Variants in SSC5D observed in about 807,000 individuals in gnomAD.
SSC5D encodes scavenger receptor cysteine rich family member with 5 domains.
A neutral mutation model predicts 104.6 loss-of-function variants in SSC5D; 106 were observed. The observed-to-expected ratio is 1.01, with a 90% confidence interval of 0.87 to 1.19. SSC5D has a LOEUF of 1.19. SSC5D is among the 50% of genes most tolerant of loss of function. The pLI is 0.00. For synonymous variants in SSC5D, 860 were observed against 883.5 expected (o/e 0.97, Z 0.47); for missense variants, 1,993 against 2,153.8 (o/e 0.93, Z 1.48).
In SSC5D at chr19:55,503,482, T is replaced by C. The variant is rs1227540612; in HGVS notation, c.2785+2281T>C. The stretch of plus-strand genomic sequence containing the variant: ...GCAGTCTCCCGCGTGCTCTCTTCTC[T>C]CTCCCCCTCGTTTCTCTCATGGTCA... On this transcript the variant is annotated intron_variant, in intron 12 of 13. Coordinates refer to ENST00000389623, the MANE Select transcript of SSC5D (RefSeq NM_001144950.2). This position sits in a 1 kb window ranked among gnomAD's most constrained non-coding sequence, Gnocchi z 4.0. 6.6e-6 allele frequency among the ~76,000 whole-genome samples: 1 copy of C among 151,842 alleles called. No individual in the cohort carries two copies. Among genetic ancestry groups the C allele is most frequent in the African/African-American group, 2.4e-5 (1 of 41,294 alleles).
intron 12 of SSC5D, among the ~76,000 whole-genome samples, chr19:55,509,545 G>A (rs902047583): frequency 1.4e-5 from 2 of 144,296 alleles, no homozygotes; most frequent in African/African-American, 2.6e-5. Context: ...ATGAGCCAGA[G>A]TTATGTGTAT....
At chr19:55,501,252 C>A in intron 12 of SSC5D, 51 bp downstream of exon 12, 2 of 1,462,288 alleles carry the variant, frequency 1.4e-6, no homozygotes, top group Non-Finnish European at 1.8e-6. Flanking sequence ...AACCTCCATT[C>A]GCTTCCCTGC....
At position 55,497,900 on chromosome 19, in the gene SSC5D, G is replaced by C; in HGVS notation, c.1408G>C (p.Val470Leu). 1 of 1,541,788 alleles carries C rather than the reference G, an allele frequency of 6.5e-7. No homozygotes were observed. The highest frequency in any genetic ancestry group is 8.8e-7 in the Non-Finnish European group (1 of 1,139,184). The stretch of plus-strand genomic sequence containing the variant: ...CCCAGGGTCCCCCCAGCTGCGCCTG[G>C]TGGCTGGGCCCAGCAAGTGCTCAGG... ...PEAGSPQLRLVAGPSKCSGRL... is the reference protein window; with the variant it reads ...PEAGSPQLRLLAGPSKCSGRL... Residue 470 changes from valine to leucine, a missense_variant, in exon 9 of 14, where the codon GTG becomes CTG. By Grantham distance (32) the Val-to-Leu change is conservative (BLOSUM62 1). Transcript: ENST00000389623.
In SSC5D at chr19:55,490,282, C is replaced by A; in HGVS notation, c.476-16C>A. 1.3e-6 allele frequency: 1 copy of A among 784,792 alleles called. No individual in the cohort carries two copies. The highest frequency in any genetic ancestry group is 1.5e-5 in the South Asian group (1 of 66,850). The allele number at this position is 784,792 out of a possible 1,614,324, so 48.6% of individuals were successfully genotyped here. A position where few individuals can be genotyped will look rare whatever the true frequency, so the allele number is the denominator to read the frequency against. On this transcript the variant is annotated splice_polypyrimidine_tract_variant and intron_variant, in intron 4 of 13. Transcript: ENST00000389623. Reference sequence around the variant, plus strand: ...GAGGGGCTCAGCTCCTGACCCCTGGCTGTCTCCACTCCCAGCCCCCCGCCC... The same window carrying A: ...GAGGGGCTCAGCTCCTGACCCCTGGATGTCTCCACTCCCAGCCCCCCGCCC...
Position 55,491,318 on chromosome 19 carries a change from G to A in SSC5D, c.895+238G>A, listed in dbSNP as rs185507912. On this transcript the variant is annotated intron_variant, in intron 6 of 13. Coordinates refer to ENST00000389623, the MANE Select transcript of SSC5D (RefSeq NM_001144950.2). The stretch of plus-strand genomic sequence containing the variant: ...TTGGGCTAGTGCTCAGCCCTGTCCC[G>A]GGGCCTAGGCCAGTGACCGTTTGTT... 305 of 535,862 alleles carry A rather than the reference G, an allele frequency of 5.7e-4. 1 individual carries two copies. The highest frequency in any genetic ancestry group is 2.0e-3 in the Middle Eastern group (4 of 2,038). 33.2% of individuals were successfully genotyped at this position (535,862 alleles called of 1,614,324 possible). A position where few individuals can be genotyped will look rare whatever the true frequency, so the allele number is the denominator to read the frequency against.
intron 13 of SSC5D, 138 bp downstream of exon 13, chr19:55,513,310 T>C: frequency 1.1e-6 from 1 of 936,222 alleles, no homozygotes; most frequent in Non-Finnish European, 1.5e-6. Context: ...GGTTATCGGC[T>C]GAGCATGGTG....
intron 12 of SSC5D, among the ~76,000 whole-genome samples, chr19:55,507,684 A>G (rs992071728): frequency 3.3e-4 from 50 of 151,164 alleles, no homozygotes; most frequent in Admixed American, 2.9e-3. Context: ...AAAAAAAAAA[A>G]AAAAGAAAAA....
Position 55,490,298 on chromosome 19 carries a change from C to A in SSC5D, c.476C>A (p.Ala159Asp), listed in dbSNP as rs114976626. The change falls in exon 5 of 14, where the codon GCC (alanine) becomes GAC (aspartate). Residue 159 changes from alanine (A) to aspartate (D), a missense_variant and splice_region_variant. Coordinates refer to ENST00000389623, the MANE Select transcript of SSC5D (RefSeq NM_001144950.2). ...GACCCCTGGCTGTCTCCACTCCCAGCCCCCCGCCCAGCTGGGAACCCCCAG... is the reference window on the plus strand; with the variant it reads ...GACCCCTGGCTGTCTCCACTCCCAGACCCCCGCCCAGCTGGGAACCCCCAG... The part of the protein sequence containing the change: ...PSTEEPLVTH[A>D]PRPAGNPQNA... 8 of 980,446 alleles carry A rather than the reference C, an allele frequency of 8.2e-6. No homozygotes were observed. The highest frequency in any genetic ancestry group is 1.3e-5 in the Non-Finnish European group (8 of 635,580). The allele number at this position is 980,446 out of a possible 1,614,324, so 60.7% of individuals were successfully genotyped here.
At chr19:55,499,305 T>C (rs922167379) in intron 9 of SSC5D, among the ~76,000 whole-genome samples, 1 of 152,158 alleles carries the variant, frequency 6.6e-6, no homozygotes, top group Non-Finnish European at 1.5e-5. Flanking sequence ...TGGAGAGTGG[T>C]GTCTCAAAGG....
At chr19:55,512,156 C>T (rs1263412473) in intron 12 of SSC5D, among the ~76,000 whole-genome samples, 8 of 148,400 alleles carry the variant, frequency 5.4e-5, no homozygotes, top group African/African-American at 1.5e-4. Flanking sequence ...GCCGATATTG[C>T]GCCACTGTAC....
rs182856272 is a variant in SSC5D at position 55,503,646 on chromosome 19, G to A, written c.2785+2445G>A. Among the ~76,000 whole-genome samples, 1 of 152,164 alleles carries A rather than the reference G, an allele frequency of 6.6e-6. No individual in the cohort carries two copies. Among genetic ancestry groups the A allele is most frequent in the East Asian group, 1.9e-4 (1 of 5,160 alleles). On this transcript the variant is annotated intron_variant, in intron 12 of 13. Transcript: ENST00000389623. This position sits in a 1 kb window ranked among gnomAD's most constrained non-coding sequence, Gnocchi z 4.0. Reference sequence around the variant, plus strand: ...TTTCTGTCCTCCCTCTGTGCCCGTCGCAGTCGCTGTTTCTCCGTCTTCTCC... The same window carrying A: ...TTTCTGTCCTCCCTCTGTGCCCGTCACAGTCGCTGTTTCTCCGTCTTCTCC...
chr19:55,490,008 G>T lies in SSC5D; in HGVS notation c.475+13G>T. The T allele has an allele frequency of 6.5e-7, 1 of 1,537,306 alleles. No individual in the cohort carries two copies. The highest frequency in any genetic ancestry group is 2.0e-5 in the Admixed American group (1 of 50,612). On this transcript the variant is annotated intron_variant, in intron 4 of 13. Transcript: ENST00000389623. ...CTGGTGACACATGGTGAGCCCAGGG[G>T]ACTGCCCTGCCAACCCCCACCCAGC...
chr19:55,493,991 G>GGGGGA (rs1277559229), intron 7 of SSC5D, 79 bp downstream of exon 7: 2 of 300,912 alleles, frequency 6.6e-6, no homozygotes, highest in Admixed American at 4.0e-5. Flanking sequence ...CGGGGGCGGG[G>GGGGGA]GGGTCCCTAC....
chr19:55,498,019 C>G lies in SSC5D; in HGVS notation c.1527C>G (p.Gly509=), dbSNP rs1435671351. Residue 509 remains glycine (G), a synonymous_variant, in exon 9 of 14, where the codon GGC becomes GGG. Coordinates refer to ENST00000389623, the MANE Select transcript of SSC5D (RefSeq NM_001144950.2). ...RDSAVVCREL[G]CGGPQQPDPA... ...CAGCTGTGGTCTGCCGGGAGCTGGG[C>G]TGTGGTGGACCTCAGCAGCCAGACC... 1.9e-6 allele frequency: 3 copies of G among 1,551,740 alleles called. No individual in the cohort carries two copies. Among genetic ancestry groups the G allele is most frequent in the Non-Finnish European group, 2.6e-6 (3 of 1,147,014 alleles).
chr19:55,507,306 T>C (rs1307938104), intron 12 of SSC5D, among the ~76,000 whole-genome samples: 1 of 136,948 alleles, frequency 7.3e-6, no homozygotes, highest in Admixed American at 8.4e-5. Context: ...GTCAAGCCAC[T>C]GCACTGCAGC....
chr19:55,501,086 A>G lies in SSC5D; in HGVS notation c.2670A>G (p.Arg890=). Reference sequence around the variant, plus strand: ...CCTGGACCTGGGACCCCACCTCAAGAGAGGACCTGGCCAAGGGGACTACCA... The same window carrying G: ...CCTGGACCTGGGACCCCACCTCAAGGGAGGACCTGGCCAAGGGGACTACCA... The part of the protein sequence containing the change: ...YPPWTWDPTS[R]EDLAKGTTTA... Residue 890 remains arginine (R), a synonymous_variant, in exon 12 of 14, where the codon AGA becomes AGG. Coordinates refer to ENST00000389623, the MANE Select transcript of SSC5D (RefSeq NM_001144950.2). 1 of 1,551,762 alleles carries G rather than the reference A, an allele frequency of 6.4e-7. No homozygotes were observed. Among genetic ancestry groups the G allele is most frequent in the South Asian group, 1.2e-5 (1 of 84,056 alleles).
chr19:55,504,473 AGTCCCC>A (rs1465441131), intron 12 of SSC5D: 7 of 468,194 alleles, frequency 1.5e-5, no homozygotes, highest in Non-Finnish European at 2.3e-5. Flanking sequence ...GGTCTCTTTG[AGTCCCC>A]GTTTCTTATT....
rs1216061485 is a variant in SSC5D, at chr19:55,503,925, G to C, written c.2785+2724G>C. Among the ~76,000 whole-genome samples, 1 of 152,360 alleles carries C rather than the reference G, an allele frequency of 6.6e-6. No homozygotes were observed. The highest frequency in any genetic ancestry group is 2.4e-5 in the African/African-American group (1 of 41,596). ...CTGCCTCGCACCTCGTGACGTCACA[G>C]GCGCGCTGCGCCTCCTGATTGGCCA... is the stretch of plus-strand genomic sequence containing the variant. On this transcript the variant is annotated intron_variant, in intron 12 of 13. Transcript: ENST00000389623. This position sits in a 1 kb window ranked among gnomAD's most constrained non-coding sequence, Gnocchi z 4.0.
At chr19:55,501,471 G>C (rs1987502768) in intron 12 of SSC5D, among the ~76,000 whole-genome samples, 1 of 152,124 alleles carries the variant, frequency 6.6e-6, no homozygotes, top group East Asian at 1.9e-4. Context: ...CAATATGCAA[G>C]CCTGGGGCCC....
Sources: gnomAD v4.1 joint callset for allele counts (sites outside exome capture counted in the v4.1 genomes callset) on GRCh38, gnomAD v4.1.1 for gene constraint, Gnocchi (gnomAD v3.1) non-coding constraint, MANE v1.5 for transcripts, NCBI Gene and HGNC (gene_info 2026-07-23, HGNC 2026-07-21) for gene names.